ADK: variants seen among roughly 807,000 people sequenced by gnomAD.
ADK encodes N6,N6-dimethyladenosine kinase.
A neutral mutation model predicts 44.7 loss-of-function variants in ADK; 24 were observed. The observed-to-expected ratio is 0.54, with a 90% CI of 0.39 to 0.76. ADK has a LOEUF of 0.76. Ranked by LOEUF, ADK falls within the 30% of genes least tolerant of loss-of-function variation. The pLI is 0.00. For synonymous variants in ADK, 128 were observed against 142.6 expected (o/e 0.90, Z 0.73); for missense variants, 321 against 425.1 (o/e 0.76, Z 2.15).
At chr10:74,203,820 T>G (rs1356499768) in intron 2 of ADK, among the ~76,000 whole-genome samples, 1 of 151,788 alleles carries the variant, frequency 6.6e-6, no homozygotes, top group African/African-American at 2.4e-5. Flanking sequence ...TATGAATTTT[T>G]GGGGATAGCT....
intron 6 of ADK, among the ~76,000 whole-genome samples, chr10:74,474,370 T>C (rs1846730602): frequency 3.9e-5 from 6 of 152,252 alleles, no homozygotes; most frequent in Admixed American, 3.9e-4. Context: ...CCCAAAGTGC[T>C]GAGATCACAT....
chr10:74,443,856 C>A (rs1845506493), intron 6 of ADK, among the ~76,000 whole-genome samples: 1 of 152,002 alleles, frequency 6.6e-6, no homozygotes, highest in Non-Finnish European at 1.5e-5. Flanking sequence ...GGGCATGTAA[C>A]CTCTTGAAGA....
intron 5 of ADK, among the ~76,000 whole-genome samples, chr10:74,394,559 T>C (rs530064443): frequency 6.6e-6 from 1 of 152,346 alleles, no homozygotes; most frequent in African/African-American, 2.4e-5. Flanking sequence ...CTTTTTATAA[T>C]TAGAATCAGA....
intron 1 of ADK, among the ~76,000 whole-genome samples, chr10:74,153,302 G>T (rs1410981000): frequency 6.6e-6 from 1 of 152,156 alleles, no homozygotes; most frequent in Non-Finnish European, 1.5e-5. Flanking sequence ...TTTTGGTAGG[G>T]AGAGCTATTG....
chr10:74,203,531 A>T (rs1040320990), intron 2 of ADK, among the ~76,000 whole-genome samples: 7 of 150,656 alleles, frequency 4.6e-5, no homozygotes, highest in Non-Finnish European at 7.4e-5. Context: ...GCTATTTTAA[A>T]TTTTTTTTTG....
intron 6 of ADK, among the ~76,000 whole-genome samples, chr10:74,415,639 A>C (rs1022735081): frequency 6.6e-6 from 1 of 152,204 alleles, no homozygotes; most frequent in African/African-American, 2.4e-5. Flanking sequence ...CACTTAAAAA[A>C]TATCATTCAG....
At chr10:74,381,912 T>G (rs1842986097) in intron 4 of ADK, among the ~76,000 whole-genome samples, 1 of 152,182 alleles carries the variant, frequency 6.6e-6, no homozygotes, top group Non-Finnish European at 1.5e-5. Flanking sequence ...GATTTTGCTT[T>G]TTATAAAGTG....
rs111796025 is a variant in ADK, at chr10:74,503,794, T to C, written c.556-21462T>C. Among the ~76,000 whole-genome samples, 6 of 152,328 alleles carry C rather than the reference T, an allele frequency of 3.9e-5. 1 individual carries two copies. The highest frequency in any genetic ancestry group is 9.6e-5 in the African/African-American group (4 of 41,576). ...TAGGATAAGAAACAAAACTGATTAC[T>C]AGTTATCAGCATTACTGAAGTTGTT... On this transcript the variant is annotated intron_variant, in intron 6 of 10. Transcript: ENST00000539909.
intron 10 of ADK, among the ~76,000 whole-genome samples, chr10:74,689,046 G>C (rs1052591366): frequency 6.6e-6 from 1 of 152,038 alleles, no homozygotes; most frequent in South Asian, 2.1e-4. Flanking sequence ...TCAGGAGATC[G>C]AGACCATCCT....
intron 9 of ADK, among the ~76,000 whole-genome samples, chr10:74,653,889 G>A (rs569741356): frequency 1.3e-5 from 2 of 152,264 alleles, no homozygotes; most frequent in South Asian, 2.1e-4. Flanking sequence ...TGTACAGTAT[G>A]CACTGTTAAA....
At chr10:74,201,668 GTATGTATGTATCTATC>G (rs1457469801) in intron 2 of ADK, among the ~76,000 whole-genome samples, 215 of 124,064 alleles carry the variant, frequency 1.7e-3, no homozygotes, top group African/African-American at 5.0e-3. Flanking sequence ...ATGTATGTAT[GTATGTATGTATCTATC>G]TATCTATCTA....
intron 1 of ADK, among the ~76,000 whole-genome samples, chr10:74,188,740 T>A (rs1023875923): frequency 4.6e-5 from 7 of 152,174 alleles, no homozygotes; most frequent in Non-Finnish European, 8.8e-5. Context: ...TAAACCTTTC[T>A]TGTTTTCTAA....
chr10:74,655,418 A>AT, intron 9 of ADK: 1 of 417,266 alleles, frequency 2.4e-6, no homozygotes, highest in Non-Finnish European at 4.7e-6. Context: ...ACATCTCACC[A>AT]TGCTGTAGAA....
chr10:74,549,878 A>G (rs1182239086), intron 7 of ADK, among the ~76,000 whole-genome samples: 1 of 152,180 alleles, frequency 6.6e-6, no homozygotes, highest in African/African-American at 2.4e-5. Context: ...ATAGCTATAG[A>G]TATGCCATGA....
chr10:74,300,398 A>G (rs538974818), intron 3 of ADK, among the ~76,000 whole-genome samples: 1 of 144,420 alleles, frequency 6.9e-6, no homozygotes, highest in African/African-American at 2.6e-5. Context: ...TCTTTTCTCA[A>G]CAGGGTTTCA....
At chr10:74,175,983 CTT>C (rs11320887) in intron 1 of ADK, among the ~76,000 whole-genome samples, 1 of 150,946 alleles carries the variant, frequency 6.6e-6, no homozygotes, top group African/African-American at 2.4e-5. Flanking sequence ...GTCTTAGATT[CTT>C]TTTTTTTTAT....
chr10:74,618,921 T>C (rs1852875272), intron 9 of ADK, among the ~76,000 whole-genome samples: 1 of 152,128 alleles, frequency 6.6e-6, no homozygotes, highest in African/African-American at 2.4e-5. Context: ...TCAGCCATTA[T>C]CTCTTTAGAT....
intron 2 of ADK, among the ~76,000 whole-genome samples, chr10:74,220,704 G>A (rs928191392): frequency 3.9e-5 from 6 of 152,270 alleles, no homozygotes; most frequent in African/African-American, 1.4e-4. Context: ...TGGATGCAAG[G>A]CTGGTTCAAC....
At chr10:74,618,396 T>C (rs529432789) in intron 9 of ADK, among the ~76,000 whole-genome samples, 16 of 152,330 alleles carry the variant, frequency 1.1e-4, no homozygotes, top group African/African-American at 3.4e-4. Flanking sequence ...TTTCAAGTAA[T>C]TCTCATGCCT....
Sources: gnomAD v4.1 joint callset for allele counts (sites outside exome capture counted in the v4.1 genomes callset) on GRCh38, gnomAD v4.1.1 for gene constraint, MANE v1.5 for transcripts, NCBI Gene and HGNC (gene_info 2026-07-23, HGNC 2026-07-21) for gene names.